UBE4A: variants seen among roughly 807,000 people sequenced by gnomAD.
UBE4A encodes ubiquitination factor E4A.
A neutral mutation model predicts 117.9 loss-of-function variants in UBE4A; 48 were observed. The ratio of observed to expected loss-of-function variants is 0.41; its 90% confidence interval spans 0.32 to 0.52. The LOEUF is 0.52. Ranked by LOEUF, UBE4A falls within the 20% of genes least tolerant of loss-of-function variation. UBE4A has a pLI of 0.33. For missense variants in UBE4A, 1,067 were observed against 1,296.3 expected, an observed-to-expected ratio of 0.82 and a Z score of 2.72; for synonymous variants, 407 against 450.0, an observed-to-expected ratio of 0.90 and a Z score of 1.21.
chr11:118,376,771 C>G, intron 10 of UBE4A, 77 bp downstream of exon 10: 2 of 1,526,036 alleles, frequency 1.3e-6, no homozygotes, highest in Non-Finnish European at 8.9e-7. Context: ...AGTCTTTGGC[C>G]AGGCACAGTA....
Position 118,373,243 on chromosome 11 carries a change from T to C in UBE4A, c.879T>C (p.Tyr293=), listed in dbSNP as rs760629092. The C allele has an allele frequency of 1.2e-6, 2 of 1,613,368 alleles. No homozygotes were observed. The highest frequency in any genetic ancestry group is 1.7e-6 in the Non-Finnish European group (2 of 1,179,992). The change falls in exon 7 of 20, where the codon TAT becomes TAC. Residue 293 remains tyrosine (Y), a synonymous_variant. Coordinates refer to ENST00000252108, the MANE Select transcript of UBE4A (RefSeq NM_001204077.2). ...TCTGTCAGATCCTTTTGTATGCATA[T>C]CTGGATATTCTTCTCTATTTCACTA... ...LELCQILLYA[Y]LDILLYFTRQ...
chr11:118,389,242 T>G (rs1222641618), intron 16 of UBE4A, among the ~76,000 whole-genome samples: 1 of 152,204 alleles, frequency 6.6e-6, no homozygotes, highest in Non-Finnish European at 1.5e-5. Flanking sequence ...ATGTGGCTAG[T>G]GTGACTGAGG....
intron 9 of UBE4A, among the ~76,000 whole-genome samples, chr11:118,375,689 A>G (rs565661959): frequency 2.1e-5 from 3 of 145,524 alleles, no homozygotes; most frequent in Admixed American, 6.8e-5. Flanking sequence ...GTTTGAGAGA[A>G]AAAAAAAAAC....
chr11:118,375,674 CAG>C (rs1184295441), intron 9 of UBE4A, among the ~76,000 whole-genome samples: 2 of 151,210 alleles, frequency 1.3e-5, no homozygotes, highest in Non-Finnish European at 3.0e-5. Flanking sequence ...TTTTAAAAGA[CAG>C]ATGTTTGAGA....
chr11:118,373,344 T>A lies in UBE4A; in HGVS notation c.924+56T>A. ...GAGCTAGATGTGTAATACATGATGC[T>A]TCCCTATCCTGAAGACACTATAATA... On this transcript the variant is annotated intron_variant, in intron 7 of 19. Coordinates refer to ENST00000252108, the MANE Select transcript of UBE4A (RefSeq NM_001204077.2). 6 of 1,582,160 alleles carry A rather than the reference T, an allele frequency of 3.8e-6. 1 individual carries two copies. In the South Asian group the frequency reaches 6.8e-5, roughly 18 times the overall value.
chr11:118,384,235 G>A (rs1461611702), intron 13 of UBE4A, among the ~76,000 whole-genome samples: 2 of 152,268 alleles, frequency 1.3e-5, no homozygotes, highest in East Asian at 3.9e-4. Context: ...CACAGTTTGG[G>A]ATATTGTCTG....
Position 118,397,961 on chromosome 11 carries a change from C to G in UBE4A, c.*1521C>G, listed in dbSNP as rs1948890434. ...AAAAAGGAAATTGAGGACACTTTTG[C>G]AAATGCCAGAATGTAAGATTCATTC... On this transcript the variant is annotated 3_prime_UTR_variant, in exon 20 of 20. Coordinates refer to ENST00000252108, the MANE Select transcript of UBE4A (RefSeq NM_001204077.2). 6.6e-6 allele frequency: 1 copy of G among 152,476 alleles called. No individual in the cohort carries two copies. Among genetic ancestry groups the G allele is most frequent in the African/African-American group, 2.4e-5 (1 of 41,440 alleles). 9.4% of individuals were successfully genotyped at this position (152,476 alleles called of 1,614,324 possible).
chr11:118,397,155 T>A lies in UBE4A; in HGVS notation c.*715T>A, dbSNP rs1305005416. The A allele has an allele frequency of 5.3e-5, 8 of 152,136 alleles. No individual in the cohort carries two copies. Among genetic ancestry groups the A allele is most frequent in the African/African-American group, 1.9e-4 (8 of 41,430 alleles). The allele number at this position is 152,136 out of a possible 1,614,324, so 9.4% of individuals were successfully genotyped here. On this transcript the variant is annotated 3_prime_UTR_variant, in exon 20 of 20. Transcript: ENST00000252108. Reference sequence around the variant, plus strand: ...GGTGAGGAGACTGTTGGGCCCTTATTCTCTTATGAAAATCTGTTTCTACAA... The same window carrying A: ...GGTGAGGAGACTGTTGGGCCCTTATACTCTTATGAAAATCTGTTTCTACAA...
rs142486087 is a variant in UBE4A, at chr11:118,381,416, T to G, written c.1902T>G (p.Asp634Glu). ...AATTTTTTGCAGATAACCTGGGTGATTTTCTCATTTTTCTCCGCCGCTTTG... is the reference window on the plus strand; with the variant it reads ...AATTTTTTGCAGATAACCTGGGTGAGTTTCTCATTTTTCTCCGCCGCTTTG... ...VPEFFADNLG[D>E]FLIFLRRFAD... The change falls in exon 12 of 20, where the codon GAT becomes GAG. Residue 634 changes from aspartate (D) to glutamate (E), a missense_variant. Asp to Glu is a conservative substitution (Grantham distance 45). This residue lies in a region of UBE4A where 1,001 missense variants were observed against 1,184.0 expected (regional missense o/e 0.85). Transcript: ENST00000252108. The G allele has an allele frequency of 6.2e-6, 10 of 1,614,008 alleles. No individual in the cohort carries two copies. The highest frequency in any genetic ancestry group is 1.7e-5 in the Admixed American group (1 of 60,004).
At position 118,392,739 on chromosome 11, in the gene UBE4A, C is replaced by G. The variant is rs782219216; in HGVS notation, c.2918C>G (p.Ser973Cys). ...AACTACCAGATGTTGTATACTCAGT[C>G]TCTTGCAGACCTCCAACAACAGGAA... ...AFSNLAERIK[S>C]LADLQQQEEE... Residue 973 changes from serine (S) to cysteine (C), a missense_variant and splice_region_variant, in exon 19 of 20, where the codon TCT becomes TGT. By Grantham distance (112) the Ser-to-Cys change is moderately radical. Coordinates refer to ENST00000252108, the MANE Select transcript of UBE4A (RefSeq NM_001204077.2). 2 of 1,613,506 alleles carry G rather than the reference C, an allele frequency of 1.2e-6. No individual in the cohort carries two copies. The highest frequency in any genetic ancestry group is 1.7e-5 in the Admixed American group (1 of 59,938).
intron 18 of UBE4A, 141 bp from the exon 19 acceptor site, chr11:118,392,597 C>A: frequency 2.8e-6 from 2 of 715,258 alleles, no homozygotes; most frequent in Non-Finnish European, 2.2e-6. Flanking sequence ...GAAAATGAAG[C>A]TCACGTGTGT....
chr11:118,381,662 A>T, intron 12 of UBE4A, 139 bp downstream of exon 12: 1 of 1,154,758 alleles, frequency 8.7e-7, no homozygotes, highest in East Asian at 2.4e-5. Flanking sequence ...TCACCTGACC[A>T]TCCATATGGG....
At chr11:118,394,805 C>G (rs1278486148) in intron 19 of UBE4A, among the ~76,000 whole-genome samples, 1 of 151,456 alleles carries the variant, frequency 6.6e-6, no homozygotes, top group East Asian at 1.9e-4. Flanking sequence ...TATATCTCTA[C>G]AAAAAATTAT....
chr11:118,375,322 T>A, intron 9 of UBE4A, 93 bp downstream of exon 9: 1 of 1,256,332 alleles, frequency 8.0e-7, no homozygotes, highest in Non-Finnish European at 1.1e-6. Flanking sequence ...AGAGTTCCTT[T>A]CTCAAAAAAA....
In UBE4A at chr11:118,389,576, G is replaced by GA. The variant is rs566842667; in HGVS notation, c.2588-147dup. 151 of 761,466 alleles carry GA rather than the reference G, an allele frequency of 2.0e-4. 1 individual carries two copies. The African/African-American group carries it at 2.5e-3, about 13-fold the overall frequency. 47.2% of individuals were successfully genotyped at this position (761,466 alleles called of 1,614,324 possible). ...TGTCTATATTTTCTGCAGTGAAAAT[G>GA]AATTACTTAGTTTTTTAAAAAAGTA... is the stretch of plus-strand genomic sequence containing the variant. On this transcript the variant is annotated intron_variant, in intron 16 of 19. Coordinates refer to ENST00000252108, the MANE Select transcript of UBE4A (RefSeq NM_001204077.2).
In UBE4A at chr11:118,365,063, A is replaced by T; in HGVS notation, c.-18A>T. ...AGCCTCTCCCACTAGGTCTGGATGG[A>T]GGATACCTTAAAGTGAAATGACAGA... is the stretch of plus-strand genomic sequence containing the variant. On this transcript the variant is annotated 5_prime_UTR_variant, in exon 2 of 20. Coordinates refer to ENST00000252108, the MANE Select transcript of UBE4A (RefSeq NM_001204077.2). 1 of 1,612,878 alleles carries T rather than the reference A, an allele frequency of 6.2e-7. No individual in the cohort carries two copies. The highest frequency in any genetic ancestry group is 1.3e-5 in the African/African-American group (1 of 74,992).
At chr11:118,393,510 G>A (rs1392012099) in intron 19 of UBE4A, among the ~76,000 whole-genome samples, 1 of 152,032 alleles carries the variant, frequency 6.6e-6, no homozygotes, top group Non-Finnish European at 1.5e-5. Flanking sequence ...TGTTGCCCAG[G>A]CTGGTCTTGA....
In UBE4A at chr11:118,392,778, C is replaced by T. The variant is rs1274354007; in HGVS notation, c.2957C>T (p.Ala986Val). 2 of 1,614,006 alleles carry T rather than the reference C, an allele frequency of 1.2e-6. No individual in the cohort carries two copies. The highest frequency in any genetic ancestry group is 1.3e-5 in the African/African-American group (1 of 74,936). ...CAACAACAGGAAGAGGAAACCTATG[C>T]AGATGCCTGTGATGAGTTCCTGGAT... is the stretch of plus-strand genomic sequence containing the variant. ...DLQQQEEETYADACDEFLDPI... is the reference protein window; with the variant it reads ...DLQQQEEETYVDACDEFLDPI... Residue 986 changes from alanine (A) to valine (V), a missense_variant, in exon 19 of 20, where the codon GCA (alanine) becomes GTA (valine). Physicochemically the swap from Ala to Val is moderately conservative, Grantham distance 64. This residue lies in a region of UBE4A where 34 missense variants were observed against 77.7 expected (regional missense o/e 0.44). Coordinates refer to ENST00000252108, the MANE Select transcript of UBE4A (RefSeq NM_001204077.2).
intron 4 of UBE4A, among the ~76,000 whole-genome samples, chr11:118,370,794 C>T (rs1451127312): frequency 2.0e-5 from 3 of 152,138 alleles, no homozygotes; most frequent in African/African-American, 7.2e-5. Flanking sequence ...CATGAGGACG[C>T]ATGCAAGGAG....
Sources: gnomAD v4.1 joint callset for allele counts (sites outside exome capture counted in the v4.1 genomes callset) on GRCh38, gnomAD v4.1.1 for gene constraint, gnomAD v4.1.1 regional missense constraint, MANE v1.5 for transcripts, NCBI Gene and HGNC (gene_info 2026-07-23, HGNC 2026-07-21) for gene names.